AP1M1: variants seen among roughly 807,000 people sequenced by gnomAD.
AP1M1 encodes the protein adaptor related protein complex 1 subunit mu 1.
In AP1M1, 18 loss-of-function variants were observed where a neutral mutation model predicts 57.1. That is an observed-to-expected ratio of 0.32 (90% CI 0.22 to 0.47). The LOEUF (loss-of-function observed/expected upper bound fraction) is 0.47. AP1M1 is among the 20% of genes least tolerant of loss of function. The pLI is 1.00. For missense variants in AP1M1, 362 were observed against 593.5 expected (o/e 0.61, Z 4.05); for synonymous variants, 241 against 237.9 (o/e 1.01, Z -0.12).
At position 16,227,291 on chromosome 19, in the gene AP1M1, G is replaced by A; in HGVS notation, c.674-257G>A. Among the ~76,000 whole-genome samples the A allele has an allele frequency of 7.5e-6, 1 of 132,904 alleles. No individual in the cohort carries two copies. The highest frequency in any genetic ancestry group is 2.5e-4 in the South Asian group (1 of 3,986). 87.2% of individuals were successfully genotyped at this position (132,904 alleles called of 152,430 possible). A position where few individuals can be genotyped will look rare whatever the true frequency, so the allele number is the denominator to read the frequency against. On this transcript the variant is annotated intron_variant, in intron 6 of 11. Transcript: ENST00000291439. This position sits in a 1 kb window ranked among gnomAD's most constrained non-coding sequence, Gnocchi z 6.2. ...TGAACGTGTCCTGAGCAGGTCCCCT[G>A]GCTGGGCCCTGGGATGGCCGCTGGG...
rs1174547780 is a variant in AP1M1 at position 16,240,501 on chromosome 19, G to A, written c.*6066G>A. 6.6e-6 allele frequency: 1 copy of A among 152,136 alleles called. No individual in the cohort carries two copies. The highest frequency in any genetic ancestry group is 1.5e-5 in the Non-Finnish European group (1 of 68,038). 9.4% of individuals were successfully genotyped at this position (152,136 alleles called of 1,614,324 possible). A position where few individuals can be genotyped will look rare whatever the true frequency, so the allele number is the denominator to read the frequency against. On this transcript the variant is annotated 3_prime_UTR_variant, in exon 12 of 12. Coordinates refer to ENST00000291439, the MANE Select transcript of AP1M1 (RefSeq NM_032493.4). ...TTTCGCGTTTGTTGCCCAGGCTGGA[G>A]TGCAATGGCGAAATCTCGGCTCATT...
At chr19:16,224,656 T>C (rs1022591771) in intron 5 of AP1M1, among the ~76,000 whole-genome samples, 2 of 152,146 alleles carry the variant, frequency 1.3e-5, no homozygotes, top group Non-Finnish European at 2.9e-5. Context: ...GCTTTTCAGC[T>C]CCACTCCCTG....
chr19:16,199,729 C>T (rs568073546), intron 1 of AP1M1, among the ~76,000 whole-genome samples: 6 of 152,262 alleles, frequency 3.9e-5, no homozygotes, highest in South Asian at 2.1e-4. Context: ...GGAAGACACC[C>T]GTCTTAGAGC....
intron 1 of AP1M1, among the ~76,000 whole-genome samples, chr19:16,200,470 A>G (rs1017755303): frequency 1.3e-5 from 2 of 152,138 alleles, no homozygotes; most frequent in African/African-American, 4.8e-5. Flanking sequence ...CCAGAGAGGC[A>G]TGATCAGACC....
At chr19:16,230,565 T>C (rs2145140244) in intron 9 of AP1M1, among the ~76,000 whole-genome samples, 1 of 152,292 alleles carries the variant, frequency 6.6e-6, no homozygotes, top group South Asian at 2.1e-4. Flanking sequence ...CACGCCTGGC[T>C]AATTTTTGTA....
At chr19:16,215,388 G>A (rs1295639771) in intron 5 of AP1M1, among the ~76,000 whole-genome samples, 1 of 146,152 alleles carries the variant, frequency 6.8e-6, no homozygotes, top group Non-Finnish European at 1.5e-5. Flanking sequence ...TTGAACCTGG[G>A]AGGCGGAGGT....
chr19:16,229,002 C>T (rs1396041922), intron 9 of AP1M1, 74 bp downstream of exon 9: 2 of 1,535,108 alleles, frequency 1.3e-6, no homozygotes, highest in African/African-American at 2.7e-5. Context: ...CCTCAGGACC[C>T]CCTGCACCTC....
At chr19:16,209,433 C>T (rs2091484212) in intron 5 of AP1M1, among the ~76,000 whole-genome samples, 1 of 152,100 alleles carries the variant, frequency 6.6e-6, no homozygotes, top group East Asian at 1.9e-4. Context: ...CAGGTTCAGG[C>T]GATTCTCCTG....
intron 5 of AP1M1, among the ~76,000 whole-genome samples, chr19:16,223,203 T>G (rs12971729): frequency 0.68 from 103,525 of 152,102 alleles, 36,871 homozygotes; most frequent in Non-Finnish European, 0.8. Flanking sequence ...CGTCAGTTTT[T>G]AAAGCCCCCG....
chr19:16,212,061 C>CT (rs1010818850), intron 5 of AP1M1, among the ~76,000 whole-genome samples: 18 of 151,986 alleles, frequency 1.2e-4, no homozygotes, highest in Non-Finnish European at 1.6e-4. Flanking sequence ...CTGAAGTTTT[C>CT]TTTTTTTGTT....
intron 2 of AP1M1, among the ~76,000 whole-genome samples, chr19:16,205,230 C>G (rs1457715171): frequency 6.6e-6 from 1 of 152,108 alleles, no homozygotes; most frequent in Non-Finnish European, 1.5e-5. Context: ...CAGGAGCCAT[C>G]AGATCAGTTT....
chr19:16,213,630 G>C (rs1287475799), intron 5 of AP1M1, among the ~76,000 whole-genome samples: 2 of 152,114 alleles, frequency 1.3e-5, no homozygotes, highest in Admixed American at 6.6e-5. Context: ...AAATAGTTGG[G>C]ATTACAGGCA....
Position 16,240,241 on chromosome 19 carries a change from T to A in AP1M1, c.*5806T>A, listed in dbSNP as rs1360326330. 2 of 78,142 alleles carry A rather than the reference T, an allele frequency of 2.6e-5. No individual in the cohort carries two copies. The highest frequency in any genetic ancestry group is 5.0e-5 in the Non-Finnish European group (2 of 40,360). 4.8% of individuals were successfully genotyped at this position (78,142 alleles called of 1,614,324 possible). A position where few individuals can be genotyped will look rare whatever the true frequency, so the allele number is the denominator to read the frequency against. ...TCCCTTGAGGATATGGAGGGACGAC[T>A]CTGTGTGTGTGTGTGTGTGTGTGTG... On this transcript the variant is annotated 3_prime_UTR_variant, in exon 12 of 12. Coordinates refer to ENST00000291439, the MANE Select transcript of AP1M1 (RefSeq NM_032493.4).
intron 9 of AP1M1, among the ~76,000 whole-genome samples, chr19:16,230,562 G>A (rs1439038051): frequency 6.6e-6 from 1 of 152,086 alleles, no homozygotes; most frequent in Non-Finnish European, 1.5e-5. Flanking sequence ...CACCACGCCT[G>A]GCTAATTTTT....
rs767749147 is a variant in AP1M1, at chr19:16,228,719, C to T, written c.889-51C>T. 2 of 1,602,050 alleles carry T rather than the reference C, an allele frequency of 1.2e-6. No homozygotes were observed. Among genetic ancestry groups the T allele is most frequent in the Non-Finnish European group, 1.7e-6 (2 of 1,173,514 alleles). On this transcript the variant is annotated intron_variant, in intron 8 of 11. Coordinates refer to ENST00000291439, the MANE Select transcript of AP1M1 (RefSeq NM_032493.4). The surrounding 1 kb of genome is among the most constrained non-coding windows in gnomAD (Gnocchi z 5.0). ...GGGGCATGTGTCCTGGAGAGGCTGGCCAGCTCACCTTGGCCTCCATAACCC... is the reference window on the plus strand; with the variant it reads ...GGGGCATGTGTCCTGGAGAGGCTGGTCAGCTCACCTTGGCCTCCATAACCC...
chr19:16,206,062 C>T lies in AP1M1; in HGVS notation c.200-279C>T, dbSNP rs190503348. On this transcript the variant is annotated intron_variant, in intron 2 of 11. Coordinates refer to ENST00000291439, the MANE Select transcript of AP1M1 (RefSeq NM_032493.4). This position sits in a 1 kb window ranked among gnomAD's most constrained non-coding sequence, Gnocchi z 4.3. ...TGCTCAAGGCAGCCCTTCACCCAGC[C>T]GCCGGGACAGGTGCCCTGTGCCACC... Among the ~76,000 whole-genome samples the T allele has an allele frequency of 6.6e-6, 1 of 152,264 alleles. No homozygotes were observed. The highest frequency in any genetic ancestry group is 2.4e-5 in the African/African-American group (1 of 41,554).
intron 5 of AP1M1, among the ~76,000 whole-genome samples, chr19:16,211,844 C>T (rs1451255178): frequency 6.6e-6 from 1 of 152,068 alleles, no homozygotes; most frequent in Non-Finnish European, 1.5e-5. Flanking sequence ...TTTTCTGCAC[C>T]TATTGAGATG....
At chr19:16,198,299 G>T (rs1250618890) in intron 1 of AP1M1, 6 of 323,324 alleles carry the variant, frequency 1.9e-5, no homozygotes, top group African/African-American at 1.3e-4. Context: ...TGCAGCCACC[G>T]CGTTGCCAGG....
chr19:16,200,132 C>T (rs954009080), intron 1 of AP1M1, among the ~76,000 whole-genome samples: 4 of 152,288 alleles, frequency 2.6e-5, no homozygotes, highest in Middle Eastern at 3.4e-3. Context: ...CCAGGCCTCT[C>T]GGTCTAGCAG....
Sources: gnomAD v4.1 joint callset for allele counts (sites outside exome capture counted in the v4.1 genomes callset) on GRCh38, gnomAD v4.1.1 for gene constraint, Gnocchi (gnomAD v3.1) non-coding constraint, MANE v1.5 for transcripts, NCBI Gene and HGNC (gene_info 2026-07-23, HGNC 2026-07-21) for gene names.